Variants in CDS2 observed in about 807,000 individuals in gnomAD.
The protein encoded by CDS2 is CDP-diacylglycerol synthase 2.
A neutral mutation model predicts 59.0 loss-of-function variants in CDS2; 47 were observed. The observed-to-expected ratio is 0.80, with a 90% CI of 0.63 to 1.02. The LOEUF (loss-of-function observed/expected upper bound fraction) is 1.02. Among genes scored for constraint, CDS2 ranks in the 50% least tolerant of loss-of-function variants. The pLI, the probability that CDS2 is intolerant of heterozygous loss-of-function variation, is 0.00. For synonymous variants in CDS2, 207 were observed against 206.4 expected (o/e 1.00, Z -0.02); for missense variants, 356 against 558.9 (o/e 0.64, Z 3.66).
At position 5,175,242 on chromosome 20, in the gene CDS2, T is replaced by C. The variant is rs1445466013; in HGVS notation, c.254T>C (p.Ile85Thr). The change falls in exon 3 of 13, where the codon ATC becomes ACC. Residue 85 changes from isoleucine to threonine, a missense_variant. Ile to Thr is a moderately conservative substitution (Grantham distance 89). Around this residue, in one of 5 missense-constraint regions of CDS2, gnomAD observed 107 missense variants for 129.7 expected, o/e 0.82. Coordinates refer to ENST00000460006, the MANE Select transcript of CDS2 (RefSeq NM_003818.4). The part of the protein sequence containing the change: ...LTLAMIAFFF[I>T]IIYLGPMVLM... Reference sequence around the variant, plus strand: ...TTGGCCATGATTGCATTTTTCTTCATCATCATTTACCTGGGACCAATGGTT... The same window carrying C: ...TTGGCCATGATTGCATTTTTCTTCACCATCATTTACCTGGGACCAATGGTT... 6.2e-7 allele frequency: 1 copy of C among 1,614,176 alleles called. No individual in the cohort carries two copies. The highest frequency in any genetic ancestry group is 1.7e-5 in the Admixed American group (1 of 60,036).
rs1165576830 is a variant in CDS2 at position 5,192,068 on chromosome 20, C to G, written c.*1834C>G. The G allele has an allele frequency of 6.6e-6, 1 of 152,122 alleles. No individual in the cohort carries two copies. The highest frequency in any genetic ancestry group is 1.5e-5 in the Non-Finnish European group (1 of 68,036). The allele number at this position is 152,122 out of a possible 1,614,324, so 9.4% of individuals were successfully genotyped here. A position where few individuals can be genotyped will look rare whatever the true frequency, so the allele number is the denominator to read the frequency against. On this transcript the variant is annotated 3_prime_UTR_variant, in exon 13 of 13. Transcript: ENST00000460006. ...GCTTATCCTTAAGGTGAGTAGGTATCTCAGCAGCACACCCGAACAGTAAAG... is the reference window on the plus strand; with the variant it reads ...GCTTATCCTTAAGGTGAGTAGGTATGTCAGCAGCACACCCGAACAGTAAAG...
chr20:5,186,775 C>T lies in CDS2; in HGVS notation c.917C>T (p.Pro306Leu). 6.2e-7 allele frequency: 1 copy of T among 1,614,132 alleles called. No homozygotes were observed. The change falls in exon 10 of 13, where the codon CCC (proline) becomes CTC (leucine). Residue 306 changes from proline (P) to leucine (L), a missense_variant. Pro to Leu is a moderately conservative substitution (Grantham distance 98). Transcript: ENST00000460006. The stretch of plus-strand genomic sequence containing the variant: ...AACAGCTTCACTGTGGACTGTGAGC[C>T]CTCGGACCTGTTTCGCCTGCAGGAG... Reference protein sequence around the residue: ...DTNSFTVDCEPSDLFRLQEYN... With the variant: ...DTNSFTVDCELSDLFRLQEYN...
intron 10 of CDS2, chr20:5,187,280 G>C (rs533690291): frequency 5.8e-5 from 11 of 188,182 alleles, no homozygotes; most frequent in South Asian, 5.8e-4. Flanking sequence ...CAGTTCTAAT[G>C]AATGTCTATG....
chr20:5,157,889 G>T (rs1176387382), intron 1 of CDS2, among the ~76,000 whole-genome samples: 1 of 152,138 alleles, frequency 6.6e-6, no homozygotes, highest in Non-Finnish European at 1.5e-5. Flanking sequence ...TTCAGATTGG[G>T]GTAGGTGGCA....
chr20:5,147,972 C>G (rs907956940), intron 1 of CDS2, among the ~76,000 whole-genome samples: 1 of 151,526 alleles, frequency 6.6e-6, no homozygotes, highest in Admixed American at 6.6e-5. Context: ...GTTGTTTTTT[C>G]TTTTGAGACA....
At chr20:5,186,639 A>G (rs995770064) in intron 9 of CDS2, 48 bp from the exon 10 acceptor site, 2 of 1,604,940 alleles carry the variant, frequency 1.2e-6, no homozygotes, top group South Asian at 1.1e-5. Flanking sequence ...TCTGGGCTGG[A>G]TGGTTGGAAC....
intron 1 of CDS2, among the ~76,000 whole-genome samples, chr20:5,138,923 A>C (rs552265859): frequency 5.4e-4 from 82 of 152,198 alleles, no homozygotes; most frequent in Non-Finnish European, 4.9e-4. Context: ...GTATGGGATC[A>C]CAAAAGATCC....
chr20:5,152,673 G>A (rs1346848931), intron 1 of CDS2, among the ~76,000 whole-genome samples: 1 of 152,170 alleles, frequency 6.6e-6, no homozygotes, highest in Non-Finnish European at 1.5e-5. Context: ...AACTCGGGAG[G>A]CGGAGGTTGC....
At chr20:5,142,434 A>C (rs943099764) in intron 1 of CDS2, among the ~76,000 whole-genome samples, 1 of 151,768 alleles carries the variant, frequency 6.6e-6, no homozygotes, top group Admixed American at 6.6e-5. Flanking sequence ...GTAACAGAGC[A>C]AGACTCCATC....
At chr20:5,175,349 G>A (rs545205282) in intron 3 of CDS2, 70 bp downstream of exon 3, 11 of 1,226,414 alleles carry the variant, frequency 9.0e-6, no homozygotes, top group South Asian at 4.8e-5. Context: ...TCTTAAGTGC[G>A]AGGTGTTGGG....
intron 1 of CDS2, among the ~76,000 whole-genome samples, chr20:5,144,413 T>G (rs992783384): frequency 3.6e-4 from 55 of 152,190 alleles, no homozygotes; most frequent in African/African-American, 1.3e-3. Flanking sequence ...GAGTTCATAT[T>G]AGGCAGATGG....
At chr20:5,131,179 T>C (rs1206566860) in intron 1 of CDS2, among the ~76,000 whole-genome samples, 2 of 152,146 alleles carry the variant, frequency 1.3e-5, no homozygotes, top group African/African-American at 4.8e-5. Context: ...CAAAACTGTC[T>C]TGTAAATAGA....
chr20:5,178,963 A>G lies in CDS2; in HGVS notation c.529+7A>G, dbSNP rs2091013802. The G allele has an allele frequency of 2.5e-6, 4 of 1,613,110 alleles. No individual in the cohort carries two copies. Among genetic ancestry groups the G allele is most frequent in the South Asian group, 1.1e-5 (1 of 91,062 alleles). ...TTTACTCTCTATCTAATAGGTATGC[A>G]TTAAGCAGTTCACCATTTCTTGTGT... On this transcript the variant is annotated splice_region_variant and intron_variant, in intron 5 of 12. Transcript: ENST00000460006.
chr20:5,178,182 T>G (rs1455943687), intron 4 of CDS2, among the ~76,000 whole-genome samples: 1 of 152,212 alleles, frequency 6.6e-6, no homozygotes, highest in African/African-American at 2.4e-5. Flanking sequence ...TTAACGCTAA[T>G]GGAAGGTCTG....
At chr20:5,135,776 T>G (rs2090645331) in intron 1 of CDS2, among the ~76,000 whole-genome samples, 1 of 152,222 alleles carries the variant, frequency 6.6e-6, no homozygotes, top group East Asian at 1.9e-4. Flanking sequence ...TGGTGTTATT[T>G]TGAGTAGGCA....
chr20:5,132,267 T>A (rs1400367110), intron 1 of CDS2, among the ~76,000 whole-genome samples: 1 of 152,110 alleles, frequency 6.6e-6, no homozygotes, highest in African/African-American at 2.4e-5. Context: ...CCAACTAATA[T>A]TTTTATTTTT....
Position 5,160,625 on chromosome 20 carries a change from A to G in CDS2, c.58-12898A>G, listed in dbSNP as rs960704306. ...GTTCTATGGCATTGAGTACGTTAAC[A>G]TTGTTTTGCAACTGTCACCAGAACA... is the stretch of plus-strand genomic sequence containing the variant. On this transcript the variant is annotated intron_variant, in intron 1 of 12. Transcript: ENST00000460006. Among the ~76,000 whole-genome samples the G allele has an allele frequency of 3.9e-5, 6 of 152,346 alleles. No individual in the cohort carries two copies. In the East Asian group the frequency reaches 9.6e-4, roughly 24 times the overall value.
intron 5 of CDS2, among the ~76,000 whole-genome samples, chr20:5,180,623 T>G (rs2091027238): frequency 6.6e-6 from 1 of 152,106 alleles, no homozygotes; most frequent in Non-Finnish European, 1.5e-5. Context: ...CTCAGCAAGG[T>G]CTTTATGACC....
Position 5,197,087 on chromosome 20 carries a change from C to G in CDS2, c.*6853C>G, listed in dbSNP as rs1341373311. 6.6e-6 allele frequency: 1 copy of G among 152,112 alleles called. No individual in the cohort carries two copies. Among genetic ancestry groups the G allele is most frequent in the African/African-American group, 2.4e-5 (1 of 41,418 alleles). 9.4% of individuals were successfully genotyped at this position (152,112 alleles called of 1,614,324 possible). On this transcript the variant is annotated 3_prime_UTR_variant, in exon 13 of 13. Coordinates refer to ENST00000460006, the MANE Select transcript of CDS2 (RefSeq NM_003818.4). ...AGAAATCTGGGCTCAGAGAACCCGTCCAGGGAGATTTGAAGCCATGGGTTA... is the reference window on the plus strand; with the variant it reads ...AGAAATCTGGGCTCAGAGAACCCGTGCAGGGAGATTTGAAGCCATGGGTTA...
Sources: allele counts gnomAD v4.1 joint callset (sites outside exome capture counted in the v4.1 genomes callset), GRCh38; gene constraint gnomAD v4.1.1; regional missense constraint gnomAD v4.1.1; transcripts MANE v1.5; gene names NCBI Gene and HGNC (gene_info 2026-07-23, HGNC 2026-07-21).